Variants in GATB observed in about 807,000 individuals in gnomAD.
GATB encodes the protein glutamyl-tRNA(Gln) amidotransferase subunit B, mitochondrial.
Under a neutral mutation model 62.3 loss-of-function variants are expected in GATB, and 39 were observed. The ratio of observed to expected loss-of-function variants is 0.63; its 90% CI spans 0.48 to 0.82. The LOEUF is 0.82. Among genes scored for constraint, GATB ranks in the 40% least tolerant of loss-of-function variants. GATB has a pLI of 0.00. For missense variants in GATB, 670 were observed against 684.0 expected (o/e 0.98, Z 0.23); for synonymous variants, 276 against 258.9 (o/e 1.07, Z -0.63).
At chr4:151,678,668 G>C (rs941626712) in intron 11 of GATB, among the ~76,000 whole-genome samples, 1 of 152,134 alleles carries the variant, frequency 6.6e-6, no homozygotes, top group Non-Finnish European at 1.5e-5. Flanking sequence ...CACCCAGCCC[G>C]GTGCGTGCAC....
chr4:151,697,985 A>ATATATATGTGTG (rs1560847800), intron 9 of GATB, among the ~76,000 whole-genome samples: 1 of 138,276 alleles, frequency 7.2e-6, no homozygotes, highest in African/African-American at 2.9e-5. Context: ...ATATATATAT[A>ATATATATGTGTG]TATATATATG....
At chr4:151,684,366 C>A (rs1738202392) in intron 10 of GATB, among the ~76,000 whole-genome samples, 1 of 152,242 alleles carries the variant, frequency 6.6e-6, no homozygotes, top group South Asian at 2.1e-4. Flanking sequence ...AATAAACCAA[C>A]CTTTCAAGCA....
At chr4:151,723,537 G>T (rs989949520) in intron 2 of GATB, 8 of 152,232 alleles carry the variant, frequency 5.3e-5, no homozygotes, top group African/African-American at 1.9e-4. Context: ...TATTTCTAAT[G>T]TGTTTCTTCT....
chr4:151,687,557 G>A (rs1738275694), intron 10 of GATB, among the ~76,000 whole-genome samples: 1 of 152,226 alleles, frequency 6.6e-6, no homozygotes, highest in Non-Finnish European at 1.5e-5. Flanking sequence ...TGGAATTCCT[G>A]CTTCTAGTCT....
intron 2 of GATB, 174 bp from the exon 3 acceptor site, chr4:151,719,712 G>T: frequency 2.0e-6 from 1 of 490,926 alleles, no homozygotes; most frequent in Non-Finnish European, 3.6e-6. Context: ...GGGAATCAGG[G>T]AAGGATATAA....
At chr4:151,674,722 C>T (rs923647774) in intron 11 of GATB, 1 of 152,204 alleles carries the variant, frequency 6.6e-6, no homozygotes, top group Non-Finnish European at 1.5e-5. Context: ...CATAATTTAT[C>T]CCCTCCTCGT....
intron 2 of GATB, among the ~76,000 whole-genome samples, chr4:151,750,191 G>GT (rs1474185290): frequency 5.9e-5 from 9 of 152,260 alleles, no homozygotes; most frequent in African/African-American, 2.2e-4. Context: ...CCTAACTTAA[G>GT]TTTTTTAAAC....
intron 3 of GATB, among the ~76,000 whole-genome samples, chr4:151,718,906 T>C (rs1738969308): frequency 6.6e-6 from 1 of 152,236 alleles, no homozygotes; most frequent in East Asian, 1.9e-4. Flanking sequence ...ACCAACAGTT[T>C]ACTGTTCTTG....
intron 2 of GATB, among the ~76,000 whole-genome samples, chr4:151,743,241 G>A (rs1484599166): frequency 6.6e-6 from 1 of 152,214 alleles, no homozygotes; most frequent in Non-Finnish European, 1.5e-5. Flanking sequence ...TCTTCATGGT[G>A]AGTCTGGGGA....
At chr4:151,704,492 C>T (rs1204994289) in intron 7 of GATB, among the ~76,000 whole-genome samples, 3 of 151,926 alleles carry the variant, frequency 2.0e-5, no homozygotes, top group Admixed American at 6.6e-5. Context: ...CTTGCTCTGT[C>T]GCCCAGGCTG....
At chr4:151,672,601 C>T in intron 12 of GATB, 161 bp downstream of exon 12, 1 of 707,156 alleles carries the variant, frequency 1.4e-6, no homozygotes, top group South Asian at 2.0e-5. Context: ...TATTTCATCT[C>T]TTCTGACCTT....
At chr4:151,743,602 A>G (rs1392731110) in intron 2 of GATB, among the ~76,000 whole-genome samples, 1 of 152,246 alleles carries the variant, frequency 6.6e-6, no homozygotes, top group Non-Finnish European at 1.5e-5. Flanking sequence ...TTGAGAGCTA[A>G]TCACTGAACT....
Position 151,735,053 on chromosome 4 carries a change from A to G in GATB, c.328-15515T>C, listed in dbSNP as rs116177333. 9.9e-3 allele frequency among the ~76,000 whole-genome samples: 1,513 copies of G among 152,340 alleles called. 19 individuals are homozygous for G. Among genetic ancestry groups the G allele is most frequent in the African/African-American group, 0.034 (1,427 of 41,576 alleles). On this transcript the variant is annotated intron_variant, in intron 2 of 12. Transcript: ENST00000263985. Reference sequence around the variant, plus strand: ...ATTTCATGACCAAAAACCCAAAAGCAAAAGCAGTAAAAGCAAAGATAAATA... The same window carrying G: ...ATTTCATGACCAAAAACCCAAAAGCGAAAGCAGTAAAAGCAAAGATAAATA...
intron 11 of GATB, among the ~76,000 whole-genome samples, chr4:151,678,972 T>A (rs1560840458): frequency 6.6e-6 from 1 of 152,336 alleles, no homozygotes; most frequent in African/African-American, 2.4e-5. Context: ...CTCAGCTCAC[T>A]GCAACCTCCA....
At chr4:151,737,943 G>C (rs1299422279) in intron 2 of GATB, among the ~76,000 whole-genome samples, 2 of 152,208 alleles carry the variant, frequency 1.3e-5, no homozygotes, top group Non-Finnish European at 2.9e-5. Context: ...TTTGCTGCAG[G>C]GGCGGGGTCA....
chr4:151,731,926 C>T (rs1322579532), intron 2 of GATB, among the ~76,000 whole-genome samples: 2 of 151,420 alleles, frequency 1.3e-5, no homozygotes, highest in Non-Finnish European at 3.0e-5. Flanking sequence ...GGGGTCAGCC[C>T]CCGCCGGGCC....
chr4:151,710,834 C>T (rs1325836847), intron 5 of GATB, among the ~76,000 whole-genome samples: 1 of 152,162 alleles, frequency 6.6e-6, no homozygotes, highest in East Asian at 1.9e-4. Context: ...TAAATACCAC[C>T]TCATGCTGAG....
intron 11 of GATB, among the ~76,000 whole-genome samples, chr4:151,678,233 AC>A (rs1233209541): frequency 1.3e-5 from 2 of 152,180 alleles, no homozygotes; most frequent in Non-Finnish European, 2.9e-5. Flanking sequence ...CCTCCTTTAA[AC>A]ATGCTGGAAG....
chr4:151,675,010 G>C (rs1251823570), intron 11 of GATB: 1 of 152,244 alleles, frequency 6.6e-6, no homozygotes, highest in Non-Finnish European at 1.5e-5. Context: ...GGCAGACCCT[G>C]AGCAGGCTGG....
Sources: gnomAD v4.1 joint callset for allele counts (sites outside exome capture counted in the v4.1 genomes callset) on GRCh38, gnomAD v4.1.1 for gene constraint, MANE v1.5 for transcripts, NCBI Gene and HGNC (gene_info 2026-07-23, HGNC 2026-07-21) for gene names.